ZNF704: variants seen among roughly 807,000 people sequenced by gnomAD.
ZNF704 encodes the protein glucocorticoid induced gene 1.
ZNF704 carries 10 observed loss-of-function variants against 44.7 expected under a neutral mutation model. The ratio of observed to expected loss-of-function variants is 0.22; its 90% CI spans 0.14 to 0.38. The LOEUF is 0.38. Among genes scored for constraint, ZNF704 ranks in the 10% least tolerant of loss-of-function variants. The pLI, the probability that ZNF704 is intolerant of heterozygous loss-of-function variation, is 1.00. For synonymous variants in ZNF704, 211 were observed against 207.6 expected, an observed-to-expected ratio of 1.02 and a Z score of -0.14; for missense variants, 390 against 545.5, an observed-to-expected ratio of 0.71 and a Z score of 2.84.
chr8:80,712,751 C>T (rs904236007), intron 2 of ZNF704, among the ~76,000 whole-genome samples: 5 of 152,032 alleles, frequency 3.3e-5, no homozygotes, highest in African/African-American at 4.8e-5. Flanking sequence ...GAGCCGAGAT[C>T]GTGCCATTGC....
chr8:80,659,203 A>G (rs1238039288), intron 7 of ZNF704, among the ~76,000 whole-genome samples: 1 of 152,210 alleles, frequency 6.6e-6, no homozygotes, highest in Non-Finnish European at 1.5e-5. Flanking sequence ...TACGTACAGA[A>G]CACTTCCTAA....
chr8:80,821,555 A>G lies in ZNF704; in HGVS notation c.40T>C (p.Cys14Arg). 1 of 1,613,980 alleles carries G rather than the reference A, an allele frequency of 6.2e-7. No homozygotes were observed. The highest frequency in any genetic ancestry group is 8.5e-7 in the Non-Finnish European group (1 of 1,179,994). Residue 14 changes from cysteine (C) to arginine (R), a missense_variant, in exon 2 of 9, where the codon TGT becomes CGT. Cys to Arg is a radical substitution (Grantham distance 180). Transcript: ENST00000327835. ...TGTTGATGAGACATTTTTTTACCAC[A>G]GTCACGTTTTAAGTCCTCTGACTGA... Reference protein sequence around the residue: ...TFQSEDLKRDCGKKMSHQHVF... With the variant: ...TFQSEDLKRDRGKKMSHQHVF...
intron 2 of ZNF704, among the ~76,000 whole-genome samples, chr8:80,810,258 A>C (rs1808060944): frequency 6.6e-6 from 1 of 152,202 alleles, no homozygotes; most frequent in African/African-American, 2.4e-5. Flanking sequence ...AAAGTATTCC[A>C]AGTTAAGCCT....
intron 2 of ZNF704, among the ~76,000 whole-genome samples, chr8:80,755,241 C>T (rs950590213): frequency 5.9e-5 from 9 of 152,000 alleles, no homozygotes; most frequent in Non-Finnish European, 1.2e-4. Context: ...CCAAGACGGG[C>T]AGATCATGAG....
chr8:80,715,018 T>G (rs947210227), intron 2 of ZNF704, among the ~76,000 whole-genome samples: 1 of 152,194 alleles, frequency 6.6e-6, no homozygotes, highest in African/African-American at 2.4e-5. Context: ...CTGATCACAT[T>G]TCTTGGCTGC....
At chr8:80,811,724 T>G (rs576345247) in intron 2 of ZNF704, among the ~76,000 whole-genome samples, 1 of 152,324 alleles carries the variant, frequency 6.6e-6, no homozygotes, top group Admixed American at 6.5e-5. Context: ...ATTTTTTTCT[T>G]TAAAAGGAGT....
intron 1 of ZNF704, 52 bp from the exon 2 acceptor site, chr8:80,821,667 C>G: frequency 1.4e-6 from 2 of 1,382,114 alleles, no homozygotes; most frequent in Non-Finnish European, 2.0e-6. Context: ...CACCTTTGTA[C>G]GACTACTGCA....
intron 1 of ZNF704, among the ~76,000 whole-genome samples, chr8:80,823,388 T>C (rs1361494308): frequency 1.3e-5 from 2 of 152,192 alleles, no homozygotes; most frequent in Non-Finnish European, 2.9e-5. Flanking sequence ...CATCAGCCAC[T>C]GCTGAGGCTT....
At chr8:80,790,620 C>T (rs184871917) in intron 2 of ZNF704, among the ~76,000 whole-genome samples, 12 of 152,026 alleles carry the variant, frequency 7.9e-5, no homozygotes, top group African/African-American at 2.4e-4. Context: ...CAGCAGGAAC[C>T]CAGGGAGGAG....
At chr8:80,850,543 C>T (rs1808841195) in intron 1 of ZNF704, among the ~76,000 whole-genome samples, 1 of 152,088 alleles carries the variant, frequency 6.6e-6, no homozygotes, top group Non-Finnish European at 1.5e-5. Context: ...TCCTTTCACC[C>T]TCCTTCCTGT....
chr8:80,769,692 A>C (rs528511730), intron 2 of ZNF704, among the ~76,000 whole-genome samples: 1 of 152,282 alleles, frequency 6.6e-6, no homozygotes, highest in East Asian at 1.9e-4. Flanking sequence ...CATTTTTGTC[A>C]AAGTCATTCA....
chr8:80,782,989 A>G (rs1807555252), intron 2 of ZNF704, among the ~76,000 whole-genome samples: 1 of 152,218 alleles, frequency 6.6e-6, no homozygotes, highest in African/African-American at 2.4e-5. Flanking sequence ...TGTGTTGTTC[A>G]AGGGCACTGT....
intron 1 of ZNF704, among the ~76,000 whole-genome samples, chr8:80,854,424 C>T (rs1247494654): frequency 6.6e-6 from 1 of 152,162 alleles, no homozygotes; most frequent in Non-Finnish European, 1.5e-5. Context: ...CTTGGATCTC[C>T]TTTCCAACTC....
At chr8:80,716,246 A>G (rs1819070741) in intron 2 of ZNF704, among the ~76,000 whole-genome samples, 1 of 152,202 alleles carries the variant, frequency 6.6e-6, no homozygotes, top group South Asian at 2.1e-4. Flanking sequence ...AAGTCATATG[A>G]CATATTGGAA....
Position 80,856,863 on chromosome 8 carries a change from G to A in ZNF704, c.-22+17708C>T, listed in dbSNP as rs181623296. ...ATTTTGCATTTCCATATACATTTGA[G>A]ATTAGCTTGTCAATTTCTTACTAAA... On this transcript the variant is annotated intron_variant, in intron 1 of 8. Coordinates refer to ENST00000327835, the MANE Select transcript of ZNF704 (RefSeq NM_001033723.3). Among the ~76,000 whole-genome samples the A allele has an allele frequency of 1.9e-3, 296 of 152,258 alleles. 2 individuals are homozygous for A. The highest frequency in any genetic ancestry group is 6.3e-3 in the African/African-American group (261 of 41,540).
At chr8:80,863,946 C>G (rs909093063) in intron 1 of ZNF704, among the ~76,000 whole-genome samples, 1 of 152,106 alleles carries the variant, frequency 6.6e-6, no homozygotes, top group South Asian at 2.1e-4. Context: ...TCCCTTGGCA[C>G]TTTTAAATTC....
rs749188045 is a variant in ZNF704, at chr8:80,821,552, C to G, written c.43G>C (p.Gly15Arg). ...FQSEDLKRDCGKKMSHQHVFS... is the reference protein window; with the variant it reads ...FQSEDLKRDCRKKMSHQHVFS... The stretch of plus-strand genomic sequence containing the variant: ...ACGTGTTGATGAGACATTTTTTTAC[C>G]ACAGTCACGTTTTAAGTCCTCTGAC... Residue 15 changes from glycine (G) to arginine (R), a missense_variant, in exon 2 of 9, where the codon GGT becomes CGT. Coordinates refer to ENST00000327835, the MANE Select transcript of ZNF704 (RefSeq NM_001033723.3). The G allele has an allele frequency of 6.2e-7, 1 of 1,613,926 alleles. No homozygotes were observed. The highest frequency in any genetic ancestry group is 8.5e-7 in the Non-Finnish European group (1 of 1,179,980).
At position 80,848,643 on chromosome 8, in the gene ZNF704, G is replaced by C. The variant is rs147737008; in HGVS notation, c.-22+25928C>G. ...GTGGATCCCTTCAGCCCAGGAGTTC[G>C]AGACCAACCTGACCAACATGGTGAA... On this transcript the variant is annotated intron_variant, in intron 1 of 8. Transcript: ENST00000327835. Among the ~76,000 whole-genome samples, 360 of 152,050 alleles carry C rather than the reference G, an allele frequency of 2.4e-3. 1 individual carries two copies. The highest frequency in any genetic ancestry group is 6.8e-3 in the Middle Eastern group (2 of 294).
chr8:80,773,953 G>A (rs995450183), intron 2 of ZNF704, among the ~76,000 whole-genome samples: 2 of 151,782 alleles, frequency 1.3e-5, no homozygotes, highest in Non-Finnish European at 2.9e-5. Flanking sequence ...TTCAGTCTAA[G>A]ATCTTCTTGG....
Sources: gnomAD v4.1 joint callset for allele counts (sites outside exome capture counted in the v4.1 genomes callset) on GRCh38, gnomAD v4.1.1 for gene constraint, MANE v1.5 for transcripts, NCBI Gene and HGNC (gene_info 2026-07-23, HGNC 2026-07-21) for gene names.